The following ANK2 variants were observed in gnomAD, a reference collection of about 807,000 sequenced individuals.
ANK2 encodes the protein ankyrin-2.
Under a neutral mutation model 360.5 loss-of-function variants are expected in ANK2, and 83 were observed. The observed-to-expected ratio is 0.23, with a 90% confidence interval of 0.19 to 0.28. ANK2 has a LOEUF of 0.28. Ranked by LOEUF, ANK2 falls within the 10% of genes least tolerant of loss-of-function variation. The pLI is 1.00. For missense variants in ANK2, 4,201 were observed against 4,795.7 expected (o/e 0.88, Z 3.66); for synonymous variants, 1,740 against 1,759.5 (o/e 0.99, Z 0.28).
chr4:113,168,405 G>A (rs1449671253), intron 1 of ANK2, among the ~76,000 whole-genome samples: 3 of 152,130 alleles, frequency 2.0e-5, no homozygotes, highest in African/African-American at 7.2e-5. Flanking sequence ...CATTTATAGA[G>A]TTCACTTTTA....
At chr4:113,011,318 G>T (rs2054638884) in intron 2 of ANK2, among the ~76,000 whole-genome samples, 1 of 152,040 alleles carries the variant, frequency 6.6e-6, no homozygotes. Flanking sequence ...TTGTAGGGGA[G>T]GTGAAATTTT....
upstream of ANK2, among the ~76,000 whole-genome samples, chr4:113,046,199 C>T (rs1348792744): frequency 6.6e-6 from 1 of 152,116 alleles, no homozygotes; most frequent in Non-Finnish European, 1.5e-5. Context: ...GAGATATTTA[C>T]CCCCGGTGTT....
chr4:112,778,734 G>A, the ANK2 span, among the ~76,000 whole-genome samples: 4 of 152,160 alleles, frequency 2.6e-5, no homozygotes, highest in Non-Finnish European at 4.4e-5. Flanking sequence ...TAGATTATTC[G>A]TGTTTGTGTT....
At chr4:113,345,788 T>G in intron 34 of ANK2, 112 bp from the exon 35 acceptor site, 1 of 1,402,788 alleles carries the variant, frequency 7.1e-7, no homozygotes, top group Non-Finnish European at 1.0e-6. Flanking sequence ...TCCTTTGAGT[T>G]CTTACCTAGC....
chr4:113,202,431 G>T (rs1215880941), intron 4 of ANK2, among the ~76,000 whole-genome samples: 1 of 152,168 alleles, frequency 6.6e-6, no homozygotes, highest in Non-Finnish European at 1.5e-5. Context: ...AGGGAATCCT[G>T]AATGTACAAC....
intron 26 of ANK2, among the ~76,000 whole-genome samples, chr4:113,327,717 G>C (rs1410894830): frequency 1.3e-5 from 2 of 152,164 alleles, no homozygotes; most frequent in Non-Finnish European, 2.9e-5. Context: ...GCAGTTCCAA[G>C]TAATGACGAA....
the ANK2 span, among the ~76,000 whole-genome samples, chr4:112,762,763 G>A: frequency 6.6e-6 from 1 of 152,230 alleles, no homozygotes; most frequent in Non-Finnish European, 1.5e-5. Context: ...ACCCGCCTTG[G>A]CCTCCCAAAG....
the ANK2 span, among the ~76,000 whole-genome samples, chr4:112,775,546 A>ACACACACAC: frequency 2.1e-3 from 18 of 8,766 alleles, no homozygotes; most frequent in Admixed American, 6.0e-3. Context: ...CACACACACA[A>ACACACACAC]GAAAAAAAAT....
At chr4:113,001,222 T>C (rs943527040) in intron 2 of ANK2, among the ~76,000 whole-genome samples, 44 of 150,550 alleles carry the variant, frequency 2.9e-4, no homozygotes, top group African/African-American at 1.0e-3. Flanking sequence ...TCCCAGCTAC[T>C]CAGGAGGCTG....
intron 1 of ANK2, among the ~76,000 whole-genome samples, chr4:113,161,957 T>G (rs2097552179): frequency 6.6e-6 from 1 of 152,170 alleles, no homozygotes. Flanking sequence ...GCCTCTATCT[T>G]TAGTCCATGC....
intron 2 of ANK2, among the ~76,000 whole-genome samples, chr4:112,921,388 T>G (rs1022668090): frequency 6.6e-6 from 1 of 151,700 alleles, no homozygotes; most frequent in Non-Finnish European, 1.5e-5. Flanking sequence ...AGTTTTTTTT[T>G]TTTTTTTTTT....
At chr4:113,330,528 G>A (rs1205606323) in intron 27 of ANK2, 58 bp downstream of exon 27, 1 of 1,543,244 alleles carries the variant, frequency 6.5e-7, no homozygotes, top group Non-Finnish European at 8.9e-7. Context: ...TCCTCTACAT[G>A]AAATCACTAG....
chr4:112,938,901 G>C (rs1439903250), intron 2 of ANK2, among the ~76,000 whole-genome samples: 1 of 152,160 alleles, frequency 6.6e-6, no homozygotes, highest in African/African-American at 2.4e-5. Flanking sequence ...TGTGTCTCCA[G>C]AATCTAGAAC....
the ANK2 span, among the ~76,000 whole-genome samples, chr4:112,790,319 C>T: frequency 6.6e-6 from 1 of 152,076 alleles, no homozygotes; most frequent in Non-Finnish European, 1.5e-5. Context: ...ATAATCTGTG[C>T]TTGATAATGT....
At chr4:113,116,804 C>T (rs569123748) in intron 1 of ANK2, among the ~76,000 whole-genome samples, 1 of 152,296 alleles carries the variant, frequency 6.6e-6, no homozygotes, top group East Asian at 1.9e-4. Context: ...CTACCCACCC[C>T]CTAGCAGTTT....
intron 2 of ANK2, among the ~76,000 whole-genome samples, chr4:112,939,851 T>C (rs1276575735): frequency 6.6e-6 from 1 of 152,190 alleles, no homozygotes; most frequent in African/African-American, 2.4e-5. Context: ...CTATACAAAT[T>C]ATACCTATTA....
intron 4 of ANK2, among the ~76,000 whole-genome samples, chr4:113,228,170 AT>A (rs1460238831): frequency 6.6e-6 from 1 of 151,862 alleles, no homozygotes; most frequent in African/African-American, 2.4e-5. Context: ...TTCTTCCTTG[AT>A]TTTTTTTGTT....
the ANK2 span, among the ~76,000 whole-genome samples, chr4:112,762,770 A>T: frequency 9.2e-5 from 14 of 152,340 alleles, no homozygotes; most frequent in Non-Finnish European, 1.8e-4. Flanking sequence ...TTGGCCTCCC[A>T]AAGTGCTGGG....
intron 1 of ANK2, among the ~76,000 whole-genome samples, chr4:112,901,311 C>T (rs150247175): frequency 7.2e-5 from 11 of 152,156 alleles, no homozygotes; most frequent in East Asian, 5.8e-4. Context: ...TGCAAGCATA[C>T]GTTCCAGAAA....
Sources: allele counts gnomAD v4.1 joint callset (sites outside exome capture counted in the v4.1 genomes callset), GRCh38; gene constraint gnomAD v4.1.1; transcripts MANE v1.5; gene names NCBI Gene and HGNC (gene_info 2026-07-23, HGNC 2026-07-21).